The following SUGCT variants were observed in gnomAD, a reference collection of about 807,000 sequenced individuals.
The protein encoded by SUGCT is succinyl-CoA:glutarate-CoA transferase.
SUGCT carries 41 observed loss-of-function variants against 55.0 expected under a neutral mutation model. The ratio of observed to expected loss-of-function variants is 0.74; its 90% CI spans 0.58 to 0.97. The LOEUF is 0.97. Ranked by LOEUF, SUGCT falls within the 50% of genes least tolerant of loss-of-function variation. The pLI, the probability that SUGCT is intolerant of heterozygous loss-of-function variation, is 0.00. For synonymous variants in SUGCT, 187 were observed against 200.4 expected, an observed-to-expected ratio of 0.93 and a Z score of 0.56; for missense variants, 568 against 547.8, an observed-to-expected ratio of 1.04 and a Z score of -0.37.
At chr7:40,887,572 A>G in the SUGCT span, among the ~76,000 whole-genome samples, 12 of 152,236 alleles carry the variant, frequency 7.9e-5, no homozygotes, top group African/African-American at 2.9e-4. Context: ...GGTAGTATTG[A>G]CTGAGACAGA....
chr7:40,530,700 C>T (rs891898673), intron 12 of SUGCT, among the ~76,000 whole-genome samples: 1 of 152,212 alleles, frequency 6.6e-6, no homozygotes, highest in African/African-American at 2.4e-5. Context: ...TTAAATGACA[C>T]AAATGAAGTC....
At chr7:40,476,595 AT>A (rs1211725512) in intron 11 of SUGCT, among the ~76,000 whole-genome samples, 1 of 151,802 alleles carries the variant, frequency 6.6e-6, no homozygotes, top group East Asian at 1.9e-4. Context: ...CATTGGTTGT[AT>A]TTTTTACTTC....
At chr7:40,952,928 G>A in the SUGCT span, among the ~76,000 whole-genome samples, 1 of 152,140 alleles carries the variant, frequency 6.6e-6, no homozygotes, top group East Asian at 1.9e-4. Context: ...ACAATTAGGT[G>A]TCTTGGAGTT....
At chr7:40,430,510 G>GGTT (rs1204846255) in intron 9 of SUGCT, among the ~76,000 whole-genome samples, 1 of 152,052 alleles carries the variant, frequency 6.6e-6, no homozygotes, top group Non-Finnish European at 1.5e-5. Flanking sequence ...CTAAAAATCA[G>GGTT]GTTGTTTTCC....
chr7:40,475,724 A>G (rs1790627519), intron 11 of SUGCT, among the ~76,000 whole-genome samples: 1 of 152,210 alleles, frequency 6.6e-6, no homozygotes, highest in African/African-American at 2.4e-5. Flanking sequence ...AAAACGAGGC[A>G]ATATGAGGCA....
chr7:40,384,716 T>G (rs118103401), intron 9 of SUGCT, among the ~76,000 whole-genome samples: 16,766 of 150,632 alleles, frequency 0.11, 1,375 homozygotes, highest in East Asian at 0.48. Context: ...GCTTTTTTTT[T>G]GTATTTTTGG....
At chr7:40,459,073 A>G (rs1789643842) in intron 10 of SUGCT, 28 bp from the exon 11 acceptor site, 3 of 1,481,718 alleles carry the variant, frequency 2.0e-6, no homozygotes, top group Middle Eastern at 1.7e-4. Context: ...CCTATTTCTT[A>G]TACTGGAAAA....
At chr7:40,623,300 A>G (rs1412843859) in intron 12 of SUGCT, among the ~76,000 whole-genome samples, 1 of 152,150 alleles carries the variant, frequency 6.6e-6, no homozygotes, top group Non-Finnish European at 1.5e-5. Flanking sequence ...ACTCTATTTC[A>G]GTCATCCCCA....
intron 7 of SUGCT, among the ~76,000 whole-genome samples, chr7:40,270,727 C>T (rs1791945674): frequency 1.3e-5 from 2 of 151,770 alleles, no homozygotes; most frequent in Admixed American, 1.3e-4. Context: ...TTTATTTCTG[C>T]AAAAAAGGTA....
chr7:40,698,592 A>C (rs1467627000), intron 12 of SUGCT, among the ~76,000 whole-genome samples: 1 of 152,208 alleles, frequency 6.6e-6, no homozygotes, highest in Non-Finnish European at 1.5e-5. Flanking sequence ...CTATCAACAC[A>C]GTCTATTGAA....
chr7:40,375,271 T>C (rs1168657436), intron 9 of SUGCT, among the ~76,000 whole-genome samples: 4 of 152,072 alleles, frequency 2.6e-5, no homozygotes, highest in Non-Finnish European at 5.9e-5. Context: ...ATTTTAAGGG[T>C]GAGGCAAGTT....
chr7:40,737,321 G>A (rs1452841197), intron 12 of SUGCT, among the ~76,000 whole-genome samples: 1 of 152,132 alleles, frequency 6.6e-6, no homozygotes, highest in African/African-American at 2.4e-5. Context: ...AATATGGATG[G>A]AGATATCTGA....
chr7:40,150,742 A>T (rs1020313673), intron 1 of SUGCT, among the ~76,000 whole-genome samples: 1 of 152,112 alleles, frequency 6.6e-6, no homozygotes, highest in Non-Finnish European at 1.5e-5. Context: ...TTGAGTAATA[A>T]TAAAACTCCG....
intron 12 of SUGCT, among the ~76,000 whole-genome samples, chr7:40,606,716 G>A (rs755235574): frequency 2.6e-5 from 4 of 152,122 alleles, no homozygotes; most frequent in African/African-American, 4.8e-5. Flanking sequence ...ACCTGTCAGC[G>A]TTAACATCTA....
At chr7:40,949,994 A>ATT in the SUGCT span, among the ~76,000 whole-genome samples, 2 of 152,192 alleles carry the variant, frequency 1.3e-5, no homozygotes, top group South Asian at 4.1e-4. Flanking sequence ...TCTGTGAAGA[A>ATT]AGTAATTGGT....
At chr7:40,233,956 C>T (rs1584410646) in intron 6 of SUGCT, among the ~76,000 whole-genome samples, 1 of 152,088 alleles carries the variant, frequency 6.6e-6, no homozygotes, top group Non-Finnish European at 1.5e-5. Context: ...CCCTTTTTCC[C>T]TATACTTTAC....
intron 13 of SUGCT, among the ~76,000 whole-genome samples, chr7:40,853,540 A>G (rs1484136591): frequency 6.6e-6 from 1 of 151,862 alleles, no homozygotes; most frequent in African/African-American, 2.4e-5. Flanking sequence ...AATTTTTTGT[A>G]TTTTAGTAGA....
the SUGCT span, among the ~76,000 whole-genome samples, chr7:40,963,189 G>T: frequency 0.33 from 48,814 of 149,106 alleles, 8,647 homozygotes; most frequent in Admixed American, 0.44. Flanking sequence ...AAGAATATTG[G>T]TTTTTTTTTT....
chr7:40,524,798 G>A (rs1793719867), intron 12 of SUGCT, among the ~76,000 whole-genome samples: 1 of 152,122 alleles, frequency 6.6e-6, no homozygotes, highest in Non-Finnish European at 1.5e-5. Context: ...GGTAGTTGGA[G>A]GGCTGTTTCA....
Sources: gnomAD v4.1 joint callset for allele counts (sites outside exome capture counted in the v4.1 genomes callset) on GRCh38, gnomAD v4.1.1 for gene constraint, MANE v1.5 for transcripts, NCBI Gene and HGNC (gene_info 2026-07-23, HGNC 2026-07-21) for gene names.